Variants in KIAA0319L observed in about 807,000 individuals in gnomAD.
The protein encoded by KIAA0319L is KIAA0319 like, also known as dyslexia-associated protein KIAA0319-like protein.
KIAA0319L carries 55 observed loss-of-function variants against 120.1 expected under a neutral mutation model. The observed-to-expected ratio is 0.46, with a 90% CI of 0.37 to 0.57. The LOEUF (loss-of-function observed/expected upper bound fraction) is 0.57, where lower values mean the gene tolerates loss of function less well. Among genes scored for constraint, KIAA0319L ranks in the 20% least tolerant of loss-of-function variants. KIAA0319L has a pLI of 0.00. For synonymous variants in KIAA0319L, 398 were observed against 471.9 expected (o/e 0.84, Z 2.03); for missense variants, 1,049 against 1,255.3 (o/e 0.84, Z 2.48).
At chr1:35,485,269 G>A (rs547315342) in intron 3 of KIAA0319L, among the ~76,000 whole-genome samples, 2 of 151,946 alleles carry the variant, frequency 1.3e-5, no homozygotes, top group Non-Finnish European at 2.9e-5. Flanking sequence ...TTCTCCCATA[G>A]TATGTTGTGA....
chr1:35,542,407 G>C (rs1646828134), intron 2 of KIAA0319L, among the ~76,000 whole-genome samples: 1 of 152,138 alleles, frequency 6.6e-6, no homozygotes, highest in Non-Finnish European at 1.5e-5. Context: ...CCTATCTCTT[G>C]CTCAGCTGAT....
chr1:35,482,361 T>C (rs541410033), intron 3 of KIAA0319L, among the ~76,000 whole-genome samples: 2 of 152,270 alleles, frequency 1.3e-5, no homozygotes, highest in South Asian at 4.1e-4. Flanking sequence ...CACCTATAGA[T>C]GAACGTTTGG....
chr1:35,436,822 G>A (rs1239980995), intron 20 of KIAA0319L, among the ~76,000 whole-genome samples: 1 of 152,124 alleles, frequency 6.6e-6, no homozygotes, highest in Admixed American at 6.5e-5. Flanking sequence ...CTGGCAAACT[G>A]TCCGTCCAGA....
chr1:35,467,820 C>G (rs1643370494), intron 6 of KIAA0319L, among the ~76,000 whole-genome samples: 1 of 152,090 alleles, frequency 6.6e-6, no homozygotes, highest in South Asian at 2.1e-4. Flanking sequence ...TCCCAAGTAG[C>G]TGGGACTACA....
chr1:35,451,259 T>A (rs989419620), intron 13 of KIAA0319L, among the ~76,000 whole-genome samples: 3 of 152,164 alleles, frequency 2.0e-5, no homozygotes, highest in Non-Finnish European at 4.4e-5. Context: ...TCACTGTAGC[T>A]AACAGGAGTC....
intron 2 of KIAA0319L, among the ~76,000 whole-genome samples, chr1:35,544,247 T>C (rs1646901348): frequency 6.6e-6 from 1 of 151,624 alleles, no homozygotes; most frequent in Non-Finnish European, 1.5e-5. Context: ...CATGCACCTA[T>C]AGTCCCAGCT....
chr1:35,476,812 T>C (rs889409101), intron 4 of KIAA0319L, among the ~76,000 whole-genome samples: 2 of 152,206 alleles, frequency 1.3e-5, no homozygotes, highest in African/African-American at 4.8e-5. Context: ...AATTAAAAAT[T>C]GGCAAAAATT....
chr1:35,461,614 T>C (rs539021779), intron 8 of KIAA0319L, among the ~76,000 whole-genome samples: 1 of 152,346 alleles, frequency 6.6e-6, no homozygotes, highest in African/African-American at 2.4e-5. Flanking sequence ...AAAGGATTCA[T>C]AAAATAATAA....
At position 35,434,672 on chromosome 1, in the gene KIAA0319L, G is replaced by A. The variant is rs1335899973; in HGVS notation, c.*222C>T. On this transcript the variant is annotated 3_prime_UTR_variant, in exon 21 of 21. Coordinates refer to ENST00000325722, the MANE Select transcript of KIAA0319L (RefSeq NM_024874.5). ...GGAGGCCCTGAGGTGAGGATATCTG[G>A]GGGCCCACCAGACAGGTTTAAAGAG... 1 of 521,682 alleles carries A rather than the reference G, an allele frequency of 1.9e-6. No homozygotes were observed. Among genetic ancestry groups the A allele is most frequent in the Admixed American group, 3.5e-5 (1 of 28,834 alleles). 32.3% of individuals were successfully genotyped at this position (521,682 alleles called of 1,614,324 possible). A position where few individuals can be genotyped will look rare whatever the true frequency, so the allele number is the denominator to read the frequency against.
rs530783043 is a variant in KIAA0319L at position 35,513,898 on chromosome 1, A to G, written c.143-6763T>C. On this transcript the variant is annotated intron_variant, in intron 2 of 20. Transcript: ENST00000325722. ...ACACACAAGGTTCACATTCATTTAC[A>G]GAGGCCACAAAACATAGGAGAATTA... 2.6e-5 allele frequency among the ~76,000 whole-genome samples: 4 copies of G among 152,370 alleles called. No individual in the cohort carries two copies. The South Asian group carries it at 6.2e-4, about 24-fold the overall frequency.
intron 8 of KIAA0319L, 66 bp from the exon 9 acceptor site, chr1:35,460,503 A>C (rs1642815617): frequency 7.2e-7 from 1 of 1,388,650 alleles, no homozygotes; most frequent in African/African-American, 1.5e-5. Context: ...TCCAGTTTAC[A>C]CAAACCAGGA....
At chr1:35,525,993 T>C (rs1203898626) in intron 2 of KIAA0319L, among the ~76,000 whole-genome samples, 2 of 152,082 alleles carry the variant, frequency 1.3e-5, no homozygotes, top group Non-Finnish European at 2.9e-5. Flanking sequence ...CTTTAATCCA[T>C]TTTGAGTTGA....
chr1:35,521,632 T>C (rs1461610402), intron 2 of KIAA0319L, among the ~76,000 whole-genome samples: 1 of 146,932 alleles, frequency 6.8e-6, no homozygotes, highest in Non-Finnish European at 1.5e-5. Context: ...AGACTCCGTC[T>C]CAAAAAAATA....
In KIAA0319L at chr1:35,434,317, G is replaced by C. The variant is rs1640625911; in HGVS notation, c.*577C>G. 1 of 152,220 alleles carries C rather than the reference G, an allele frequency of 6.6e-6. No individual in the cohort carries two copies. Among genetic ancestry groups the C allele is most frequent in the African/African-American group, 2.4e-5 (1 of 41,380 alleles). The allele number at this position is 152,220 out of a possible 1,614,324, so 9.4% of individuals were successfully genotyped here. On this transcript the variant is annotated 3_prime_UTR_variant, in exon 21 of 21. Coordinates refer to ENST00000325722, the MANE Select transcript of KIAA0319L (RefSeq NM_024874.5). Reference sequence around the variant, plus strand: ...TTAGCCAGGGTGGTCTTGATCTCCTGACCTCATGATCCGCCCGCCTCGGCC... The same window carrying C: ...TTAGCCAGGGTGGTCTTGATCTCCTCACCTCATGATCCGCCCGCCTCGGCC...
intron 2 of KIAA0319L, among the ~76,000 whole-genome samples, chr1:35,513,267 CAT>C (rs1189085625): frequency 0.23 from 24,124 of 105,880 alleles, 2,619 homozygotes; most frequent in South Asian, 0.31. Context: ...ATCTATATAA[CAT>C]ATATATATAT....
In KIAA0319L at chr1:35,442,765, A is replaced by G. The variant is rs144319000; in HGVS notation, c.2779+141T>C. The G allele has an allele frequency of 7.9e-5, 79 of 1,006,198 alleles. 1 individual carries two copies. The East Asian group carries it at 2.0e-3, about 26-fold the overall frequency. 62.3% of individuals were successfully genotyped at this position (1,006,198 alleles called of 1,614,324 possible). A position where few individuals can be genotyped will look rare whatever the true frequency, so the allele number is the denominator to read the frequency against. ...TGAGCAAGTGTGGAGGAAGGAAGTA[A>G]AAGTCCTCTGCAAACAGAAAATACA... is the stretch of plus-strand genomic sequence containing the variant. On this transcript the variant is annotated intron_variant, in intron 18 of 20. Transcript: ENST00000325722.
chr1:35,457,510 A>AG (rs1489661585), intron 9 of KIAA0319L, among the ~76,000 whole-genome samples: 3 of 151,684 alleles, frequency 2.0e-5, no homozygotes, highest in African/African-American at 2.4e-5. Flanking sequence ...AAAAAAAAAA[A>AG]GAAAGAAAGA....
intron 3 of KIAA0319L, among the ~76,000 whole-genome samples, chr1:35,496,220 T>C (rs1036914219): frequency 1.2e-4 from 18 of 152,058 alleles, no homozygotes; most frequent in Middle Eastern, 3.4e-3. Flanking sequence ...AGGGGTTCGA[T>C]ACCAGCCTGG....
At chr1:35,460,498 T>C (rs1012903957) in intron 8 of KIAA0319L, 61 bp from the exon 9 acceptor site, 1 of 1,504,318 alleles carries the variant, frequency 6.6e-7, no homozygotes, top group Non-Finnish European at 9.1e-7. Context: ...ACTTATCCAG[T>C]TTACACAAAC....
Sources: gnomAD v4.1 joint callset for allele counts (sites outside exome capture counted in the v4.1 genomes callset) on GRCh38, gnomAD v4.1.1 for gene constraint, MANE v1.5 for transcripts, NCBI Gene and HGNC (gene_info 2026-07-23, HGNC 2026-07-21) for gene names.